MGAT5: variants seen among roughly 807,000 people sequenced by gnomAD.
MGAT5 encodes the protein alpha-1,6-mannosylglycoprotein 6-beta-N-acetylglucosaminyltransferase A.
Under a neutral mutation model 94.3 loss-of-function variants are expected in MGAT5, and 30 were observed. The ratio of observed to expected loss-of-function variants is 0.32; its 90% CI spans 0.24 to 0.43. The LOEUF (loss-of-function observed/expected upper bound fraction) is 0.43. Among genes scored for constraint, MGAT5 ranks in the 20% least tolerant of loss-of-function variants. The probability of loss-of-function intolerance (pLI) is 1.00; values close to 1 mark genes in which losing one functional copy is unlikely to be tolerated. For missense variants in MGAT5, 691 were observed against 905.5 expected (o/e 0.76, Z 3.04); for synonymous variants, 310 against 322.9 (o/e 0.96, Z 0.43).
At chr2:134,142,334 G>A (rs559176449) in intron 1 of MGAT5, among the ~76,000 whole-genome samples, 1 of 152,332 alleles carries the variant, frequency 6.6e-6, no homozygotes, top group Non-Finnish European at 1.5e-5. Context: ...TGCATTTACA[G>A]GCTGAGCCAA....
intron 14 of MGAT5, among the ~76,000 whole-genome samples, chr2:134,441,082 T>C (rs964592586): frequency 6.6e-6 from 1 of 152,234 alleles, no homozygotes; most frequent in African/African-American, 2.4e-5. Context: ...GTCATTTCGC[T>C]TAACGTTGCA....
At chr2:134,330,539 G>A (rs1376669955) in intron 4 of MGAT5, among the ~76,000 whole-genome samples, 1 of 143,276 alleles carries the variant, frequency 7.0e-6, no homozygotes, top group South Asian at 2.2e-4. Context: ...GGCCCTATGG[G>A]GAATTAAATT....
intron 1 of MGAT5, among the ~76,000 whole-genome samples, chr2:134,141,766 A>G (rs61552466): frequency 0.2 from 30,355 of 152,096 alleles, 4,159 homozygotes; most frequent in African/African-American, 0.4. Flanking sequence ...ATGTGGTTCA[A>G]CTCCAGCATT....
At chr2:134,430,193 T>A (rs572558558) in intron 14 of MGAT5, among the ~76,000 whole-genome samples, 1 of 152,338 alleles carries the variant, frequency 6.6e-6, no homozygotes, top group African/African-American at 2.4e-5. Context: ...TCCCTGCAGC[T>A]GCTGCTGAAA....
rs528620988 is a variant in MGAT5 at position 134,440,846 on chromosome 2, G to A, written c.1870-912G>A. ...GATTGAACCCACCACCACAACTGCC[G>A]TCACTCACTGATTCACCAAAAATTG... On this transcript the variant is annotated intron_variant, in intron 14 of 15. Transcript: ENST00000281923. Among the ~76,000 whole-genome samples the A allele has an allele frequency of 6.6e-5, 10 of 152,174 alleles. No homozygotes were observed. The South Asian group carries it at 1.5e-3, about 22-fold the overall frequency.
chr2:134,196,608 C>T (rs1679507097), intron 1 of MGAT5, among the ~76,000 whole-genome samples: 2 of 152,222 alleles, frequency 1.3e-5, no homozygotes, highest in Non-Finnish European at 2.9e-5. Context: ...TAATGATAGT[C>T]GATGCTTGTA....
chr2:134,369,056 C>T (rs72980023), intron 10 of MGAT5, among the ~76,000 whole-genome samples: 9,669 of 152,194 alleles, frequency 0.064, 1,040 homozygotes, highest in African/African-American at 0.22. Context: ...CTCTTCCTTA[C>T]TAGACTATAT....
At chr2:134,430,307 T>G (rs1330572387) in intron 14 of MGAT5, among the ~76,000 whole-genome samples, 2 of 152,232 alleles carry the variant, frequency 1.3e-5, no homozygotes, top group African/African-American at 4.8e-5. Flanking sequence ...ATTTCTCCCC[T>G]GAGGCTCAGG....
At chr2:134,430,161 C>G (rs962597191) in intron 14 of MGAT5, among the ~76,000 whole-genome samples, 1 of 152,260 alleles carries the variant, frequency 6.6e-6, no homozygotes, top group African/African-American at 2.4e-5. Flanking sequence ...ATCTCGGCAG[C>G]TCTCTTGAGA....
chr2:134,393,474 G>A (rs1235599980), intron 10 of MGAT5, among the ~76,000 whole-genome samples: 2 of 152,114 alleles, frequency 1.3e-5, no homozygotes, highest in Non-Finnish European at 2.9e-5. Context: ...TTTACCCTGC[G>A]TATAATTATT....
At chr2:134,266,136 T>C (rs891839792) in intron 1 of MGAT5, among the ~76,000 whole-genome samples, 4 of 131,682 alleles carry the variant, frequency 3.0e-5, no homozygotes, top group Non-Finnish European at 6.1e-5. Flanking sequence ...ACTCCAGCCT[T>C]GGCCACAGAG....
At chr2:134,266,113 A>T (rs1437228833) in intron 1 of MGAT5, among the ~76,000 whole-genome samples, 1 of 144,616 alleles carries the variant, frequency 6.9e-6, no homozygotes, top group African/African-American at 2.6e-5. Context: ...GTGAGCTGAA[A>T]TCGTGCCACT....
chr2:134,286,495 A>G (rs1040428262), intron 2 of MGAT5, among the ~76,000 whole-genome samples: 6 of 151,794 alleles, frequency 4.0e-5, no homozygotes, highest in Admixed American at 3.3e-4. Flanking sequence ...ATAGTGGCGC[A>G]GTCTCTGCTC....
intron 2 of MGAT5, among the ~76,000 whole-genome samples, chr2:134,273,875 G>A (rs1004079593): frequency 6.6e-6 from 1 of 152,180 alleles, no homozygotes; most frequent in African/African-American, 2.4e-5. Context: ...GAATGAAAAA[G>A]CAGATTTTTA....
intron 14 of MGAT5, among the ~76,000 whole-genome samples, chr2:134,431,262 T>C (rs1319105785): frequency 6.6e-6 from 1 of 152,176 alleles, no homozygotes; most frequent in East Asian, 1.9e-4. Flanking sequence ...TGTCGCAGGC[T>C]AAGGGGCAGT....
intron 2 of MGAT5, among the ~76,000 whole-genome samples, chr2:134,316,367 C>T (rs1357332029): frequency 1.3e-5 from 2 of 152,026 alleles, no homozygotes; most frequent in Non-Finnish European, 2.9e-5. Flanking sequence ...TTAGATTGTC[C>T]CTTTGGCTGG....
intron 1 of MGAT5, among the ~76,000 whole-genome samples, chr2:134,226,773 C>T (rs1257209): frequency 0.64 from 97,305 of 151,954 alleles, 32,019 homozygotes; most frequent in Non-Finnish European, 0.72. Flanking sequence ...CAGATAAAAA[C>T]GGACATGCCC....
intron 1 of MGAT5, among the ~76,000 whole-genome samples, chr2:134,155,934 T>C (rs916963862): frequency 6.6e-6 from 1 of 151,978 alleles, no homozygotes; most frequent in Non-Finnish European, 1.5e-5. Context: ...TGAGAGCAGA[T>C]CCCCATTATT....
At chr2:134,182,275 T>A (rs1688769080) in intron 1 of MGAT5, among the ~76,000 whole-genome samples, 1 of 152,240 alleles carries the variant, frequency 6.6e-6, no homozygotes, top group South Asian at 2.1e-4. Flanking sequence ...CCTGTTGTCA[T>A]CTATGATAGC....
Sources: allele counts gnomAD v4.1 joint callset (sites outside exome capture counted in the v4.1 genomes callset), GRCh38; gene constraint gnomAD v4.1.1; transcripts MANE v1.5; gene names NCBI Gene and HGNC (gene_info 2026-07-23, HGNC 2026-07-21).